The following KLHL7 variants were observed in gnomAD, a reference collection of about 807,000 sequenced individuals.
KLHL7 encodes the protein kelch like family member 7.
A neutral mutation model predicts 67.4 loss-of-function variants in KLHL7; 44 were observed. The observed-to-expected ratio is 0.65, with a 90% CI of 0.51 to 0.84. The LOEUF (loss-of-function observed/expected upper bound fraction) is 0.84. Among genes scored for constraint, KLHL7 ranks in the 40% least tolerant of loss-of-function variants. The pLI is 0.00. For missense variants in KLHL7, 362 were observed against 718.1 expected (o/e 0.50, Z 5.67); for synonymous variants, 252 against 243.3 (o/e 1.04, Z -0.33).
At chr7:23,158,429 T>G (rs1052393911) in intron 7 of KLHL7, among the ~76,000 whole-genome samples, 1 of 152,152 alleles carries the variant, frequency 6.6e-6, no homozygotes, top group African/African-American at 2.4e-5. Flanking sequence ...CTTTGGTAAT[T>G]GTTCATATGT....
At chr7:23,137,052 A>T (rs1185873560) in intron 4 of KLHL7, among the ~76,000 whole-genome samples, 1 of 152,216 alleles carries the variant, frequency 6.6e-6, no homozygotes, top group African/African-American at 2.4e-5. Context: ...TGGGAGGCCA[A>T]GGTGGGCGGA....
intron 7 of KLHL7, among the ~76,000 whole-genome samples, chr7:23,155,228 C>A (rs1045647327): frequency 2.6e-5 from 4 of 152,112 alleles, no homozygotes; most frequent in African/African-American, 9.7e-5. Context: ...TGTGTGCTAT[C>A]CAATAAGCAC....
chr7:23,169,810 G>T (rs1036456888), intron 9 of KLHL7, among the ~76,000 whole-genome samples: 3 of 152,130 alleles, frequency 2.0e-5, no homozygotes, highest in Non-Finnish European at 4.4e-5. Context: ...GCTTAAATTT[G>T]AATTCTCTAT....
In KLHL7 at chr7:23,105,941, T is replaced by G. The variant is rs1417475795; in HGVS notation, c.-86T>G. 1 of 1,551,652 alleles carries G rather than the reference T, an allele frequency of 6.4e-7. No individual in the cohort carries two copies. The highest frequency in any genetic ancestry group is 1.3e-5 in the African/African-American group (1 of 74,198). ...CAGCTGCACTGCCGATCGCCGTGTT[T>G]GGTCGATAGAATCCCCAGTGTGCCC... On this transcript the variant is annotated 5_prime_UTR_variant, in exon 1 of 11. Coordinates refer to ENST00000339077, the MANE Select transcript of KLHL7 (RefSeq NM_001031710.3).
chr7:23,159,563 A>G (rs73273989), intron 7 of KLHL7, among the ~76,000 whole-genome samples: 3,417 of 151,026 alleles, frequency 0.023, 120 homozygotes, highest in African/African-American at 0.078. Context: ...ACAAGGTCTC[A>G]CTCTGTTGCC....
chr7:23,162,062 G>A lies in KLHL7; in HGVS notation c.937-3636G>A, dbSNP rs150253555. Reference sequence around the variant, plus strand: ...GAGATCCAACAATGACAATTCAAGTGCCCAGAATCACTTTGCTAGAAACAC... The same window carrying A: ...GAGATCCAACAATGACAATTCAAGTACCCAGAATCACTTTGCTAGAAACAC... On this transcript the variant is annotated intron_variant, in intron 7 of 10. Transcript: ENST00000339077. Among the ~76,000 whole-genome samples, 53 of 152,282 alleles carry A rather than the reference G, an allele frequency of 3.5e-4. 2 individuals are homozygous for A. Among genetic ancestry groups the A allele is most frequent in the Middle Eastern group, 6.8e-3 (2 of 294 alleles).
chr7:23,163,311 C>T (rs191242962), intron 7 of KLHL7, among the ~76,000 whole-genome samples: 1 of 152,062 alleles, frequency 6.6e-6, no homozygotes, highest in Non-Finnish European at 1.5e-5. Context: ...GCAGGGATTA[C>T]ACGTGCCTGC....
rs1028815910 is a variant in KLHL7 at position 23,148,754 on chromosome 7, G to A, written c.794-3313G>A. Among the ~76,000 whole-genome samples, 5 of 152,312 alleles carry A rather than the reference G, an allele frequency of 3.3e-5. No individual in the cohort carries two copies. The South Asian group carries it at 1.0e-3, about 32-fold the overall frequency. ...TGGATTCTGAACTGATTAAGAAACAGGATAGCAGTATTATTTCAGAAATTC... is the reference window on the plus strand; with the variant it reads ...TGGATTCTGAACTGATTAAGAAACAAGATAGCAGTATTATTTCAGAAATTC... On this transcript the variant is annotated intron_variant, in intron 6 of 10. Transcript: ENST00000339077.
intron 4 of KLHL7, among the ~76,000 whole-genome samples, chr7:23,132,258 T>A (rs1783829134): frequency 1.3e-5 from 2 of 152,248 alleles, no homozygotes; most frequent in Non-Finnish European, 2.9e-5. Context: ...TGTACTAATT[T>A]ACATTTCCAC....
intron 10 of KLHL7, among the ~76,000 whole-genome samples, 178 bp from the exon 11 acceptor site, chr7:23,173,837 A>C (rs1476495662): frequency 2.0e-5 from 3 of 152,240 alleles, no homozygotes; most frequent in Non-Finnish European, 2.9e-5. Context: ...TATTGTGTTA[A>C]GAGTAAGAAT....
chr7:23,164,991 G>A (rs1015201469), intron 7 of KLHL7, among the ~76,000 whole-genome samples: 10 of 152,200 alleles, frequency 6.6e-5, no homozygotes, highest in South Asian at 6.2e-4. Context: ...ATGGAAGGGC[G>A]GCACAAGCAT....
At chr7:23,125,318 G>C (rs1783527140) in intron 4 of KLHL7, 146 bp downstream of exon 4, 1 of 733,884 alleles carries the variant, frequency 1.4e-6, no homozygotes, top group Non-Finnish European at 2.2e-6. Context: ...TAAAATTTAA[G>C]AGGGGCTTAG....
At chr7:23,123,237 G>A (rs1204455916) in intron 1 of KLHL7, among the ~76,000 whole-genome samples, 1 of 152,140 alleles carries the variant, frequency 6.6e-6, no homozygotes, top group Non-Finnish European at 1.5e-5. Context: ...TTGCTGAAAG[G>A]ACATTTAGTT....
At chr7:23,150,061 A>G (rs1180260636) in intron 6 of KLHL7, among the ~76,000 whole-genome samples, 1 of 152,160 alleles carries the variant, frequency 6.6e-6, no homozygotes, top group Admixed American at 6.5e-5. Context: ...TGGGAGGCTG[A>G]TGTGAGAGGA....
Position 23,140,811 on chromosome 7 carries a change from A to G in KLHL7, c.485A>G (p.Lys162Arg). Residue 162 changes from lysine (K) to arginine (R), a missense_variant, in exon 5 of 11, where the codon AAA becomes AGA. Lys to Arg is a conservative substitution (Grantham distance 26). Around this residue, in one of 5 missense-constraint regions of KLHL7, gnomAD observed 155 missense variants for 280.8 expected, o/e 0.55. Coordinates refer to ENST00000339077, the MANE Select transcript of KLHL7 (RefSeq NM_001031710.3). The stretch of plus-strand genomic sequence containing the variant: ...GAGTGTCTAGATTGTCCTGAATTGA[A>G]AGCAACTGCAGATGACTTTATTCAT... ...LAECLDCPEL[K>R]ATADDFIHQH... 1 of 1,613,960 alleles carries G rather than the reference A, an allele frequency of 6.2e-7. No individual in the cohort carries two copies. Among genetic ancestry groups the G allele is most frequent in the Non-Finnish European group, 8.5e-7 (1 of 1,179,946 alleles).
At chr7:23,168,058 T>C (rs765926225) in intron 9 of KLHL7, 21 bp downstream of exon 9, 2 of 1,598,234 alleles carry the variant, frequency 1.3e-6, no homozygotes, top group Non-Finnish European at 1.7e-6. Context: ...ATTTAAAATT[T>C]ATTTTACAGT....
At chr7:23,131,142 C>T (rs1583668774) in intron 4 of KLHL7, among the ~76,000 whole-genome samples, 1 of 152,118 alleles carries the variant, frequency 6.6e-6, no homozygotes. Flanking sequence ...AGGATGCATG[C>T]TTATGTACTG....
intron 2 of KLHL7, among the ~76,000 whole-genome samples, chr7:23,124,458 TA>T (rs1276656293): frequency 6.6e-6 from 1 of 152,190 alleles, no homozygotes; most frequent in Non-Finnish European, 1.5e-5. Flanking sequence ...AATATGGTCT[TA>T]AAAAGAAGTA....
chr7:23,128,316 TA>T (rs1783658206), intron 4 of KLHL7, among the ~76,000 whole-genome samples: 1 of 144,604 alleles, frequency 6.9e-6, no homozygotes, highest in African/African-American at 2.5e-5. Flanking sequence ...AGTGAGAAGA[TA>T]AAAGAAAGGG....
Sources: gnomAD v4.1 joint callset for allele counts (sites outside exome capture counted in the v4.1 genomes callset) on GRCh38, gnomAD v4.1.1 for gene constraint, gnomAD v4.1.1 regional missense constraint, MANE v1.5 for transcripts, NCBI Gene and HGNC (gene_info 2026-07-23, HGNC 2026-07-21) for gene names.